Variants in MYO19 observed in about 807,000 individuals in gnomAD.
The protein encoded by MYO19 is unconventional myosin-XIX.
In MYO19, 132 loss-of-function variants were observed where a neutral mutation model predicts 129.2. The ratio of observed to expected loss-of-function variants is 1.02; its 90% CI spans 0.89 to 1.18. The LOEUF is 1.18. MYO19 is among the 50% of genes most tolerant of loss of function. The pLI is 0.00. For missense variants in MYO19, 1,210 were observed against 1,216.7 expected, an observed-to-expected ratio of 0.99 and a Z score of 0.08; for synonymous variants, 531 against 477.2, an observed-to-expected ratio of 1.11 and a Z score of -1.47.
intron 6 of MYO19, among the ~76,000 whole-genome samples, chr17:36,517,490 C>A (rs2072833011): frequency 6.6e-6 from 1 of 152,154 alleles, no homozygotes; most frequent in Non-Finnish European, 1.5e-5. Context: ...TAACTTCTGA[C>A]CTCAGGTGAT....
chr17:36,503,870 TG>T, intron 20 of MYO19, 79 bp downstream of exon 20: 1 of 1,191,326 alleles, frequency 8.4e-7, no homozygotes, highest in Non-Finnish European at 1.1e-6. Context: ...CACTCTGGGT[TG>T]GGCAGGCTCT....
At chr17:36,542,922 C>G (rs1350008502) in intron 1 of MYO19, among the ~76,000 whole-genome samples, 1 of 151,438 alleles carries the variant, frequency 6.6e-6, no homozygotes, top group Non-Finnish European at 1.5e-5. Context: ...CTCCATGTTG[C>G]CCAGGCTCGT....
intron 3 of MYO19, among the ~76,000 whole-genome samples, chr17:36,528,541 C>T (rs1425281581): frequency 2.0e-5 from 3 of 151,306 alleles, no homozygotes; most frequent in African/African-American, 7.3e-5. Flanking sequence ...AACATGAAGG[C>T]CGCGACAGCT....
At chr17:36,514,670 C>A in intron 8 of MYO19, 122 bp from the exon 9 acceptor site, 1 of 682,540 alleles carries the variant, frequency 1.5e-6, no homozygotes, top group Non-Finnish European at 2.6e-6. Context: ...TCCACTTAGC[C>A]AATGGGCACT....
chr17:36,501,450 C>A (rs1261307014), intron 21 of MYO19: 4 of 507,796 alleles, frequency 7.9e-6, no homozygotes, highest in East Asian at 3.1e-5. Context: ...CCTTGGAATA[C>A]CCACTTGCGC....
At chr17:36,526,571 T>C (rs759281548) in intron 5 of MYO19, among the ~76,000 whole-genome samples, 17 of 152,202 alleles carry the variant, frequency 1.1e-4, no homozygotes, top group Non-Finnish European at 2.2e-4. Flanking sequence ...ATCCTTATCG[T>C]GTATAATTTC....
intron 3 of MYO19, among the ~76,000 whole-genome samples, chr17:36,532,168 C>T (rs1184940211): frequency 1.3e-5 from 2 of 152,194 alleles, no homozygotes; most frequent in Admixed American, 1.3e-4. Flanking sequence ...CTTTCTAGTT[C>T]TTTAAGGCTT....
intron 12 of MYO19, 77 bp downstream of exon 12, chr17:36,511,288 C>T: frequency 6.8e-7 from 1 of 1,472,372 alleles, no homozygotes; most frequent in Admixed American, 2.0e-5. Context: ...TTTTCACCAT[C>T]CAGCCTTCCA....
At chr17:36,540,355 G>A (rs11867285) in intron 2 of MYO19, among the ~76,000 whole-genome samples, 2,290 of 150,394 alleles carry the variant, frequency 0.015, 56 homozygotes, top group African/African-American at 0.052. Flanking sequence ...CTATAATGAC[G>A]TTTAATATTC....
chr17:36,506,686 C>T, intron 17 of MYO19, 78 bp from the exon 18 acceptor site: 1 of 1,470,868 alleles, frequency 6.8e-7, no homozygotes, highest in Non-Finnish European at 9.0e-7. Flanking sequence ...ACCCAAGCCG[C>T]AGATGACGGG....
rs186275383 is a variant in MYO19, at chr17:36,532,542, C to A, written c.-4G>T. 48 of 1,554,848 alleles carry A rather than the reference C, an allele frequency of 3.1e-5. 1 individual carries two copies. In the East Asian group the frequency reaches 6.5e-4, roughly 21 times the overall value. ...GAGGTTTTACCTGCTGGAGCATCCT[C>A]CTTCAAAGTGGTCAGCCAGGGTTCT... is the stretch of plus-strand genomic sequence containing the variant. On this transcript the variant is annotated 5_prime_UTR_variant, in exon 3 of 26. Coordinates refer to ENST00000614623, the MANE Select transcript of MYO19 (RefSeq NM_001163735.2).
At chr17:36,506,178 C>T (rs2071870890) in intron 18 of MYO19, among the ~76,000 whole-genome samples, 1 of 152,162 alleles carries the variant, frequency 6.6e-6, no homozygotes, top group South Asian at 2.1e-4. Flanking sequence ...GCTCATGTAG[C>T]TGATCCTCTT....
At chr17:36,538,509 C>G, upstream of MYO19, 1 of 1,613,906 alleles carries the variant, frequency 6.2e-7, no homozygotes, top group Non-Finnish European at 8.5e-7. Flanking sequence ...AGATACATTA[C>G]ACAGCAGTAC....
intron 3 of MYO19, among the ~76,000 whole-genome samples, chr17:36,531,001 G>A (rs1744812954): frequency 6.6e-6 from 1 of 152,206 alleles, no homozygotes. Flanking sequence ...TTGGGAGGCT[G>A]AGGCAGACGG....
chr17:36,510,598 A>T, intron 13 of MYO19, 148 bp downstream of exon 13: 1 of 839,900 alleles, frequency 1.2e-6, no homozygotes, highest in Non-Finnish European at 1.8e-6. Context: ...TGATGTGTCC[A>T]GGGGTTTGAG....
In MYO19 at chr17:36,513,757, G is replaced by A. The variant is rs1332390492; in HGVS notation, c.721-32C>T. ...AGAAGGGTAGGTGGGAGGCTGGGTA[G>A]GGGGTCTGAGAAAAGCCCAGGCCTG... On this transcript the variant is annotated intron_variant, in intron 9 of 25. Transcript: ENST00000614623. 4.4e-6 allele frequency: 7 copies of A among 1,595,552 alleles called. No homozygotes were observed. In the South Asian group the frequency reaches 4.5e-5, roughly 10 times the overall value.
At chr17:36,513,027 G>A in intron 11 of MYO19, 1 of 1,031,358 alleles carries the variant, frequency 9.7e-7, no homozygotes, top group Non-Finnish European at 1.2e-6. Context: ...GTTTTCTCAG[G>A]CATAAAGGGA....
rs1567758666 is a variant in MYO19 at position 36,513,659 on chromosome 17, AG to A, written c.786del (p.Trp263GlyfsTer9). On this transcript the variant is annotated frameshift_variant, in exon 10 of 26. Coordinates refer to ENST00000614623, the MANE Select transcript of MYO19 (RefSeq NM_001163735.2). LOFTEE classifies it high-confidence loss of function. ...QWHLPEGAAFSWLPNPERSLE... is the reference protein window; with the variant it reads ...QWHLPEGAAFXWLPNPERSLE... ...AAGCTCCTCTCTGGGTTGGGCAGCC[AG>A]GAGAAGGCAGCTCCCTCAGGAAGGT... The A allele has an allele frequency of 1.9e-6, 3 of 1,613,796 alleles. No homozygotes were observed. The highest frequency in any genetic ancestry group is 2.5e-6 in the Non-Finnish European group (3 of 1,179,850).
rs2071649174 is a variant in MYO19 at position 36,503,170 on chromosome 17, G to C, written c.2007C>G (p.Tyr669Ter). The change falls in exon 21 of 26, where the codon TAC (tyrosine) becomes TAG (stop). Residue 669 changes from tyrosine (Y) to a stop codon, truncating the protein, a stop_gained. Transcript: ENST00000614623. LOFTEE classifies it high-confidence loss of function. The part of the protein sequence containing the change: ...RVSHRNFVER[Y>*]KLLRRLHPCT... ...AAGGATGAAGCCTTCTTAGTAACTT[G>C]TATCGTTCTACAAAGTTTCGGTGAG... 1 of 1,614,032 alleles carries C rather than the reference G, an allele frequency of 6.2e-7. No homozygotes were observed. Among genetic ancestry groups the C allele is most frequent in the Non-Finnish European group, 8.5e-7 (1 of 1,179,890 alleles).
Sources: allele counts gnomAD v4.1 joint callset (sites outside exome capture counted in the v4.1 genomes callset), GRCh38; gene constraint gnomAD v4.1.1; transcripts MANE v1.5; gene names NCBI Gene and HGNC (gene_info 2026-07-23, HGNC 2026-07-21).